Variants in ADARB2 observed in about 807,000 individuals in gnomAD.
ADARB2 encodes the protein inactive double-stranded RNA-specific editase B2.
Under a neutral mutation model 62.2 loss-of-function variants are expected in ADARB2, and 25 were observed. The observed-to-expected ratio is 0.40, with a 90% CI of 0.29 to 0.56. The LOEUF is 0.56. Among genes scored for constraint, ADARB2 ranks in the 20% least tolerant of loss-of-function variants. The pLI is 0.43. For missense variants in ADARB2, 1,071 were observed against 1,077.4 expected (o/e 0.99, Z 0.08); for synonymous variants, 572 against 500.8 (o/e 1.14, Z -1.90).
chr10:1,420,959 G>T (rs1284161751), intron 1 of ADARB2, among the ~76,000 whole-genome samples: 1 of 151,958 alleles, frequency 6.6e-6, no homozygotes, highest in Non-Finnish European at 1.5e-5. Flanking sequence ...GCCCTGCGCC[G>T]CTCGGTTCTC....
At chr10:1,511,479 G>A (rs1202975863) in intron 1 of ADARB2, among the ~76,000 whole-genome samples, 2 of 152,082 alleles carry the variant, frequency 1.3e-5, no homozygotes, top group Non-Finnish European at 2.9e-5. Context: ...AGTCAACGAG[G>A]TAGGGATTCC....
At position 1,363,761 on chromosome 10, in the gene ADARB2, A is replaced by G; in HGVS notation, c.344T>C (p.Leu115Pro). 6.2e-7 allele frequency: 1 copy of G among 1,605,194 alleles called. No homozygotes were observed. Among genetic ancestry groups the G allele is most frequent in the Non-Finnish European group, 8.5e-7 (1 of 1,179,302 alleles). ...GNGGHLCKLQLVWKKLSWSVA... is the reference protein window; with the variant it reads ...GNGGHLCKLQPVWKKLSWSVA... ...CGACCACGACAGCTTCTTCCAGACC[A>G]GCTGCAGTTTGCACAAGTGGCCCCC... Residue 115 changes from leucine to proline, a missense_variant, in exon 3 of 10, where the codon CTG (leucine) becomes CCG (proline). Leu to Pro is a moderately conservative substitution (Grantham distance 98, BLOSUM62 -3). Transcript: ENST00000381312.
In ADARB2 at chr10:1,223,723, G is replaced by A. The variant is rs183255928; in HGVS notation, c.1514-6604C>T. Among the ~76,000 whole-genome samples, 143 of 152,238 alleles carry A rather than the reference G, an allele frequency of 9.4e-4. 1 individual carries two copies. Among genetic ancestry groups the A allele is most frequent in the Admixed American group, 6.2e-3 (94 of 15,282 alleles). On this transcript the variant is annotated intron_variant, in intron 6 of 9. Coordinates refer to ENST00000381312, the MANE Select transcript of ADARB2 (RefSeq NM_018702.4). ...TGGCTCTGTTTATATGCTGGATTAC[G>A]TTTATTGATTTTCGTATGTTGAACC...
intron 1 of ADARB2, among the ~76,000 whole-genome samples, chr10:1,416,054 G>A (rs1165476816): frequency 6.6e-6 from 1 of 152,234 alleles, no homozygotes; most frequent in Non-Finnish European, 1.5e-5. Flanking sequence ...GGCTTAACAA[G>A]CAGTACACAT....
chr10:1,656,971 T>G (rs1398305894), intron 1 of ADARB2, among the ~76,000 whole-genome samples: 1 of 150,694 alleles, frequency 6.6e-6, no homozygotes, highest in East Asian at 2.0e-4. Context: ...GAACTCTCTC[T>G]TCCTAAAGCA....
chr10:1,228,684 A>C (rs189224960), intron 6 of ADARB2, among the ~76,000 whole-genome samples: 23 of 152,380 alleles, frequency 1.5e-4, no homozygotes, highest in African/African-American at 5.5e-4. Flanking sequence ...ATGACATTGA[A>C]GACTGAGTCT....
At chr10:1,665,409 G>A (rs1391991457) in intron 1 of ADARB2, among the ~76,000 whole-genome samples, 1 of 152,226 alleles carries the variant, frequency 6.6e-6, no homozygotes, top group African/African-American at 2.4e-5. Context: ...ATCCACCCAG[G>A]GAACGGCACA....
At chr10:1,394,961 C>T (rs760264675) in intron 1 of ADARB2, 1 of 455,076 alleles carries the variant, frequency 2.2e-6, no homozygotes, top group South Asian at 1.6e-5. Flanking sequence ...TGCTCTGTCC[C>T]CAGGCTGGAG....
intron 1 of ADARB2, among the ~76,000 whole-genome samples, chr10:1,721,808 G>A (rs1476801140): frequency 1.3e-5 from 2 of 152,060 alleles, no homozygotes; most frequent in African/African-American, 4.8e-5. Flanking sequence ...CCAGCCCTTG[G>A]TCAGTGCTCC....
intron 1 of ADARB2, among the ~76,000 whole-genome samples, chr10:1,379,722 G>T (rs1193996199): frequency 6.6e-6 from 1 of 152,134 alleles, no homozygotes; most frequent in Non-Finnish European, 1.5e-5. Flanking sequence ...CAGTCCTCCC[G>T]GAAACGGCCA....
chr10:1,254,356 G>T (rs1276021245), intron 4 of ADARB2, among the ~76,000 whole-genome samples: 1 of 152,208 alleles, frequency 6.6e-6, no homozygotes. Flanking sequence ...TGGAGATGAT[G>T]GGTAGAAGCC....
intron 1 of ADARB2, among the ~76,000 whole-genome samples, chr10:1,573,863 C>T (rs972059965): frequency 1.2e-4 from 18 of 152,238 alleles, no homozygotes; most frequent in African/African-American, 3.6e-4. Flanking sequence ...AGCTCCTCAA[C>T]TGGCCATAGA....
At chr10:1,473,098 A>G (rs1464252265) in intron 1 of ADARB2, among the ~76,000 whole-genome samples, 5 of 152,156 alleles carry the variant, frequency 3.3e-5, no homozygotes, top group African/African-American at 1.2e-4. Context: ...AAGCATGACA[A>G]TGGATAAAAC....
At chr10:1,302,679 C>G (rs1222942596) in intron 3 of ADARB2, among the ~76,000 whole-genome samples, 1 of 152,256 alleles carries the variant, frequency 6.6e-6, no homozygotes, top group African/African-American at 2.4e-5. Context: ...AGCTGGAGAT[C>G]TGAGAACGGG....
chr10:1,671,849 G>A (rs1182861797), intron 1 of ADARB2, among the ~76,000 whole-genome samples: 1 of 152,068 alleles, frequency 6.6e-6, no homozygotes, highest in Non-Finnish European at 1.5e-5. Flanking sequence ...CAGGAGTTAA[G>A]GAGACGTCGC....
At chr10:1,242,091 C>CGGCGT (rs1163714500) in intron 5 of ADARB2, 40 bp downstream of exon 5, 17 of 1,549,052 alleles carry the variant, frequency 1.1e-5, no homozygotes, top group Non-Finnish European at 1.5e-5. Context: ...CCCCCAGCCG[C>CGGCGT]GGCGTCCGCC....
intron 1 of ADARB2, among the ~76,000 whole-genome samples, chr10:1,590,868 G>T (rs1833243464): frequency 6.6e-6 from 1 of 152,164 alleles, no homozygotes; most frequent in Non-Finnish European, 1.5e-5. Flanking sequence ...GTCGTCTGCT[G>T]CAGGAGCTGT....
intron 1 of ADARB2, among the ~76,000 whole-genome samples, chr10:1,577,995 C>G (rs1833042769): frequency 6.6e-6 from 1 of 152,200 alleles, no homozygotes; most frequent in African/African-American, 2.4e-5. Context: ...AGAGCCAGCC[C>G]TGTGGACACG....
intron 1 of ADARB2, among the ~76,000 whole-genome samples, chr10:1,630,038 G>GA (rs1174509752): frequency 2.6e-5 from 4 of 152,156 alleles, no homozygotes; most frequent in African/African-American, 9.7e-5. Context: ...GCACTTCATG[G>GA]CCACCTAGAC....
Sources: gnomAD v4.1 joint callset for allele counts (sites outside exome capture counted in the v4.1 genomes callset) on GRCh38, gnomAD v4.1.1 for gene constraint, MANE v1.5 for transcripts, NCBI Gene and HGNC (gene_info 2026-07-23, HGNC 2026-07-21) for gene names.